Variants in PSME4 observed in about 807,000 individuals in gnomAD.
The protein encoded by PSME4 is proteasome activator subunit 4, also known as proteasome activator complex subunit 4.
In PSME4, 89 loss-of-function variants were observed where a neutral mutation model predicts 253.9. That is an observed-to-expected ratio of 0.35 (90% confidence interval 0.30 to 0.42). The LOEUF is 0.42. Among genes scored for constraint, PSME4 ranks in the 10% least tolerant of loss-of-function variants. The probability of loss-of-function intolerance (pLI) is 1.00; values close to 1 mark genes in which losing one functional copy is unlikely to be tolerated. For missense variants in PSME4, 2,014 were observed against 2,195.2 expected (o/e 0.92, Z 1.65); for synonymous variants, 851 against 759.2 (o/e 1.12, Z -1.99).
intron 10 of PSME4, among the ~76,000 whole-genome samples, chr2:53,931,617 C>A (rs1288317979): frequency 6.6e-6 from 1 of 152,132 alleles, no homozygotes; most frequent in African/African-American, 2.4e-5. Context: ...TGTGAAGAAT[C>A]CAAAAGATGT....
rs776050084 is a variant in PSME4 at position 53,940,010 on chromosome 2, GA to G, written c.501-11del. 117 of 1,561,560 alleles carry G rather than the reference GA, an allele frequency of 7.5e-5. No homozygotes were observed. The highest frequency in any genetic ancestry group is 1.8e-4 in the South Asian group (15 of 85,184). ...AATATTTTCTACAGAACTGGGGGGG[GA>G]AAGCCATTTGATAATTAGATTGGTG... On this transcript the variant is annotated splice_polypyrimidine_tract_variant and intron_variant, in intron 3 of 46. Transcript: ENST00000404125.
intron 41 of PSME4, among the ~76,000 whole-genome samples, chr2:53,882,319 T>A (rs72799245): frequency 6.6e-6 from 1 of 152,284 alleles, no homozygotes; most frequent in South Asian, 2.1e-4. Flanking sequence ...ACTTCCCATA[T>A]GAAAATACCC....
At chr2:53,967,294 C>CTTCA (rs1288649360) in intron 1 of PSME4, among the ~76,000 whole-genome samples, 2 of 151,884 alleles carry the variant, frequency 1.3e-5, no homozygotes, top group African/African-American at 4.8e-5. Flanking sequence ...AATAACCTTT[C>CTTCA]TTCAGAGATG....
At chr2:53,908,610 C>CAGTA in intron 22 of PSME4, 45 bp from the exon 23 acceptor site, 5 of 1,551,668 alleles carry the variant, frequency 3.2e-6, no homozygotes, top group Non-Finnish European at 4.3e-6. Flanking sequence ...ATATTTTGAA[C>CAGTA]TACTATAAGA....
intron 33 of PSME4, 53 bp downstream of exon 33, chr2:53,895,529 TA>T: frequency 6.6e-7 from 1 of 1,524,202 alleles, no homozygotes; most frequent in Admixed American, 2.2e-5. Context: ...CAAAATATGA[TA>T]AAGCAGTTAT....
rs1671038162 is a variant in PSME4 at position 53,970,740 on chromosome 2, C to G, written c.45G>C (p.Pro15=). The part of the protein sequence containing the change: ...ERAGVGEPPE[P]GGRPEPGPRG... ...GCGGGCCCGGCTCGGGACGCCCGCCCGGCTCCGGGGGCTCTCCGACTCCCG... is the reference window on the plus strand; with the variant it reads ...GCGGGCCCGGCTCGGGACGCCCGCCGGGCTCCGGGGGCTCTCCGACTCCCG... The change falls in exon 1 of 47, where the codon CCG becomes CCC. Residue 15 remains proline, a synonymous_variant. Transcript: ENST00000404125. 3.9e-6 allele frequency: 6 copies of G among 1,546,968 alleles called. No homozygotes were observed. Among genetic ancestry groups the G allele is most frequent in the African/African-American group, 2.7e-5 (2 of 73,046 alleles).
rs201343302 is a variant in PSME4, at chr2:53,899,883, T to C, written c.3420A>G (p.Leu1140=). Residue 1140 remains leucine, a splice_region_variant and synonymous_variant, in exon 29 of 47, where the codon CTA becomes CTG. Transcript: ENST00000404125. ...KRQQEKNADA[L]RNYENLVDTL... is the part of the protein sequence containing the mutation. ...GAAGTACACCATTCATCAATTACCT[T>C]AGGGCATCGGCATTCTTTTCCTGTT... 5.6e-6 allele frequency: 9 copies of C among 1,613,376 alleles called. No individual in the cohort carries two copies. Among genetic ancestry groups the C allele is most frequent in the Non-Finnish European group, 7.6e-6 (9 of 1,179,762 alleles).
At chr2:53,872,488 A>T (rs1381760465) in intron 43 of PSME4, among the ~76,000 whole-genome samples, 1 of 152,146 alleles carries the variant, frequency 6.6e-6, no homozygotes, top group African/African-American at 2.4e-5. Context: ...AAGAAAATAT[A>T]AAAATAATTT....
At chr2:53,969,350 C>A (rs1459358378) in intron 1 of PSME4, among the ~76,000 whole-genome samples, 1 of 152,060 alleles carries the variant, frequency 6.6e-6, no homozygotes, top group Non-Finnish European at 1.5e-5. Context: ...TAAAAAGGTC[C>A]CACCCACCCC....
At chr2:53,957,972 G>T (rs527354984) in intron 1 of PSME4, among the ~76,000 whole-genome samples, 44 of 152,164 alleles carry the variant, frequency 2.9e-4, no homozygotes, top group African/African-American at 1.0e-3. Flanking sequence ...GCTCACTTGA[G>T]GTCAGGAGTT....
intron 19 of PSME4, among the ~76,000 whole-genome samples, chr2:53,919,629 T>C (rs1218071283): frequency 2.0e-5 from 3 of 152,208 alleles, no homozygotes; most frequent in South Asian, 2.1e-4. Flanking sequence ...CAAAAAGCAG[T>C]TCAGAGTACG....
intron 14 of PSME4, 64 bp downstream of exon 14, chr2:53,925,475 C>A: frequency 7.3e-7 from 1 of 1,378,100 alleles, no homozygotes; most frequent in South Asian, 1.8e-5. Flanking sequence ...AACTTGAAGT[C>A]AATTTTAAAA....
intron 10 of PSME4, among the ~76,000 whole-genome samples, chr2:53,931,104 G>A (rs568063157): frequency 1.3e-5 from 2 of 152,068 alleles, no homozygotes; most frequent in South Asian, 2.1e-4. Context: ...ATGGTGAAAC[G>A]CCGTCTCTAC....
intron 1 of PSME4, among the ~76,000 whole-genome samples, chr2:53,963,153 T>C (rs945483695): frequency 2.6e-5 from 4 of 152,198 alleles, no homozygotes; most frequent in South Asian, 2.1e-4. Flanking sequence ...TAGTGAGACT[T>C]TGTCTCAAGA....
chr2:53,899,190 G>A (rs953908220), intron 29 of PSME4, among the ~76,000 whole-genome samples: 1 of 151,812 alleles, frequency 6.6e-6, no homozygotes, highest in Non-Finnish European at 1.5e-5. Flanking sequence ...TTAGCCTCCC[G>A]AGTAGCTGGG....
intron 30 of PSME4, 67 bp downstream of exon 30, chr2:53,898,234 C>T (rs1288750350): frequency 7.1e-7 from 1 of 1,410,104 alleles, no homozygotes; most frequent in Non-Finnish European, 9.8e-7. Flanking sequence ...CATAGCCTTC[C>T]ATGTAGAAAA....
At chr2:53,945,302 T>C (rs1369383670) in intron 3 of PSME4, among the ~76,000 whole-genome samples, 1 of 152,218 alleles carries the variant, frequency 6.6e-6, no homozygotes, top group Non-Finnish European at 1.5e-5. Flanking sequence ...TTCAAAAGCT[T>C]CATTTATAAA....
intron 31 of PSME4, among the ~76,000 whole-genome samples, chr2:53,897,611 A>T (rs995320016): frequency 2.0e-5 from 3 of 152,136 alleles, no homozygotes; most frequent in Admixed American, 6.5e-5. Flanking sequence ...CTGCACACCT[A>T]ATTTTCTAAT....
rs769827029 is a variant in PSME4, at chr2:53,936,757, T to C, written c.759+7A>G. The C allele has an allele frequency of 3.8e-6, 6 of 1,561,286 alleles. No homozygotes were observed. In the South Asian group the frequency reaches 6.0e-5, roughly 16 times the overall value. ...AGGGGGGAAGAAAGGGAAAAAGGGA[T>C]ACTTACCCCCTCCCATTGTGGGAGA... is the stretch of plus-strand genomic sequence containing the variant. On this transcript the variant is annotated splice_region_variant and intron_variant, in intron 6 of 46. Coordinates refer to ENST00000404125, the MANE Select transcript of PSME4 (RefSeq NM_014614.3).
Sources: allele counts gnomAD v4.1 joint callset (sites outside exome capture counted in the v4.1 genomes callset), GRCh38; gene constraint gnomAD v4.1.1; transcripts MANE v1.5; gene names NCBI Gene and HGNC (gene_info 2026-07-23, HGNC 2026-07-21).